PYROXD1: variants seen among roughly 807,000 people sequenced by gnomAD.
PYROXD1 encodes the protein tRNA ligase complex-associated NAD(P)H dehydrogenase PYROXD1.
A neutral mutation model predicts 62.0 loss-of-function variants in PYROXD1; 42 were observed. The observed-to-expected ratio is 0.68, with a 90% confidence interval of 0.53 to 0.88. The LOEUF is 0.88. PYROXD1 is among the 40% of genes least tolerant of loss of function. The pLI, the probability that PYROXD1 is intolerant of heterozygous loss-of-function variation, is 0.00. For synonymous variants in PYROXD1, 170 were observed against 206.4 expected (o/e 0.82, Z 1.51); for missense variants, 493 against 604.8 (o/e 0.82, Z 1.94).
At position 21,467,469 on chromosome 12, in the gene PYROXD1, T is replaced by C. The variant is rs951732930; in HGVS notation, c.1117-12T>C. 8.9e-6 allele frequency: 14 copies of C among 1,580,548 alleles called. No homozygotes were observed. The highest frequency in any genetic ancestry group is 1.1e-5 in the Non-Finnish European group (13 of 1,167,602). ...AAAAATGACATTGTGTAACATTTTTTCATCATTTCAGATGAGGCTGTGGAC... is the reference window on the plus strand; with the variant it reads ...AAAAATGACATTGTGTAACATTTTTCCATCATTTCAGATGAGGCTGTGGAC... On this transcript the variant is annotated splice_polypyrimidine_tract_variant and intron_variant, in intron 10 of 11. Coordinates refer to ENST00000240651, the MANE Select transcript of PYROXD1 (RefSeq NM_024854.5).
Position 21,470,578 on chromosome 12 carries a change from T to C in PYROXD1, c.*1824T>C, listed in dbSNP as rs1388231706. 3 of 481,978 alleles carry C rather than the reference T, an allele frequency of 6.2e-6. No individual in the cohort carries two copies. The highest frequency in any genetic ancestry group is 1.0e-5 in the Non-Finnish European group (3 of 294,890). 29.9% of individuals were successfully genotyped at this position (481,978 alleles called of 1,614,324 possible). ...AGACCTCAAATGTCCTTAGACACAA[T>C]GGCACTTGACTTGACATGCTTTTGC... On this transcript the variant is annotated 3_prime_UTR_variant, in exon 12 of 12. Coordinates refer to ENST00000240651, the MANE Select transcript of PYROXD1 (RefSeq NM_024854.5).
rs3759228 is a variant in PYROXD1 at position 21,445,370 on chromosome 12, C to A, written c.189C>A (p.Phe63Leu). The A allele has an allele frequency of 6.3e-7, 1 of 1,599,658 alleles. No individual in the cohort carries two copies. Among genetic ancestry groups the A allele is most frequent in the Non-Finnish European group, 8.5e-7 (1 of 1,175,698 alleles). The change falls in exon 3 of 12, where the codon TTC becomes TTA. Residue 63 changes from phenylalanine (F) to leucine (L), a missense_variant. By Grantham distance (22) the Phe-to-Leu change is conservative (BLOSUM62 0). Coordinates refer to ENST00000240651, the MANE Select transcript of PYROXD1 (RefSeq NM_024854.5). ...AGATTTCTAAAATATTGGAAGAATT[C>A]GATGTTGAAGAACAATCAAGTACCA... The part of the protein sequence containing the change: ...FKQISKILEE[F>L]DVEEQSSTML...
chr12:21,465,645 T>C (rs572941331), intron 10 of PYROXD1, among the ~76,000 whole-genome samples: 90 of 152,088 alleles, frequency 5.9e-4, no homozygotes, highest in African/African-American at 2.0e-3. Flanking sequence ...TGGTTTCTTT[T>C]ACTGTGCAGA....
Position 21,469,686 on chromosome 12 carries a change from A to ATTT in PYROXD1, c.*940_*942dup, listed in dbSNP as rs201322313. ...CTTAAAACATGAGATTTTTCTTGCAATTTTTTTTTTAAGCTCATCAGCTAT... is the reference window on the plus strand; with the variant it reads ...CTTAAAACATGAGATTTTTCTTGCAATTTTTTTTTTTTTAAGCTCATCAGCTAT... On this transcript the variant is annotated 3_prime_UTR_variant, in exon 12 of 12. Coordinates refer to ENST00000240651, the MANE Select transcript of PYROXD1 (RefSeq NM_024854.5). The ATTT allele has an allele frequency of 1.4e-5, 2 of 139,268 alleles. No individual in the cohort carries two copies. The highest frequency in any genetic ancestry group is 5.3e-5 in the African/African-American group (2 of 37,524). The allele number at this position is 139,268 out of a possible 1,614,324, so 8.6% of individuals were successfully genotyped here.
At position 21,440,451 on chromosome 12, in the gene PYROXD1, A is replaced by G; in HGVS notation, c.165+3A>G. The G allele has an allele frequency of 1.9e-6, 3 of 1,554,130 alleles. No individual in the cohort carries two copies. Among genetic ancestry groups the G allele is most frequent in the Non-Finnish European group, 1.8e-6 (2 of 1,135,272 alleles). On this transcript the variant is annotated splice_donor_region_variant and intron_variant, in intron 2 of 11. Coordinates refer to ENST00000240651, the MANE Select transcript of PYROXD1 (RefSeq NM_024854.5). ...AAGCAGTTACAAATTTCAAGCAGGT[A>G]AGAACCTTTGTATAACTTGTTAATA... is the stretch of plus-strand genomic sequence containing the variant.
chr12:21,466,332 T>C (rs1942793064), intron 10 of PYROXD1, among the ~76,000 whole-genome samples: 2 of 151,172 alleles, frequency 1.3e-5, no homozygotes, highest in South Asian at 4.2e-4. Context: ...TTGTATCCTC[T>C]TTTATTTCAT....
At chr12:21,467,434 AATG>A (rs1942818316) in intron 10 of PYROXD1, 44 bp from the exon 11 acceptor site, 6 of 1,542,810 alleles carry the variant, frequency 3.9e-6, no homozygotes, top group Non-Finnish European at 5.3e-6. Context: ...TTTTTCAGAT[AATG>A]ATCATGAAAA....
intron 7 of PYROXD1, among the ~76,000 whole-genome samples, chr12:21,457,496 G>A (rs1170533796): frequency 1.3e-5 from 2 of 150,208 alleles, no homozygotes; most frequent in Admixed American, 1.3e-4. Flanking sequence ...AGTAAACTAT[G>A]TAAACAGATG....
chr12:21,468,368 C>T, intron 11 of PYROXD1, 138 bp from the exon 12 acceptor site: 2 of 717,582 alleles, frequency 2.8e-6, no homozygotes, highest in East Asian at 2.7e-5. Flanking sequence ...TTCTTTGGGA[C>T]TCTCCCCAAT....
Position 21,469,341 on chromosome 12 carries a change from TA to T in PYROXD1, c.*590del. 6.6e-6 allele frequency: 1 copy of T among 152,274 alleles called. No homozygotes were observed. Among genetic ancestry groups the T allele is most frequent in the South Asian group, 2.1e-4 (1 of 4,828 alleles). The allele number at this position is 152,274 out of a possible 1,614,324, so 9.4% of individuals were successfully genotyped here. ...TTGAATGCAGCCCAACACAAATCTG[TA>T]AACTTTCTTAAAACATGAGATTTTT... On this transcript the variant is annotated 3_prime_UTR_variant, in exon 12 of 12. Transcript: ENST00000240651.
At chr12:21,438,912 G>A (rs955809658) in intron 1 of PYROXD1, among the ~76,000 whole-genome samples, 1 of 152,122 alleles carries the variant, frequency 6.6e-6, no homozygotes, top group South Asian at 2.1e-4. Flanking sequence ...ACAGCCTGCT[G>A]GAAGAGACAA....
chr12:21,452,554 ACT>A (rs1328673912), intron 5 of PYROXD1, among the ~76,000 whole-genome samples: 1 of 151,976 alleles, frequency 6.6e-6, no homozygotes, highest in East Asian at 1.9e-4. Context: ...ATCCTGCTAC[ACT>A]CATTTATGTT....
intron 3 of PYROXD1, chr12:21,448,206 T>C: frequency 1.3e-5 from 8 of 597,138 alleles, no homozygotes; most frequent in Non-Finnish European, 2.6e-5. Flanking sequence ...ACCATAGGTT[T>C]TCTCTTCCCC....
At chr12:21,450,235 G>T (rs191532827) in intron 4 of PYROXD1, among the ~76,000 whole-genome samples, 1 of 152,024 alleles carries the variant, frequency 6.6e-6, no homozygotes, top group East Asian at 1.9e-4. Context: ...TGTTATCAGC[G>T]TGAGATAACC....
intron 5 of PYROXD1, among the ~76,000 whole-genome samples, chr12:21,454,284 T>C (rs1942555522): frequency 6.6e-6 from 1 of 152,014 alleles, no homozygotes; most frequent in Non-Finnish European, 1.5e-5. Flanking sequence ...ATTTTATTAG[T>C]ATCGCAAGTT....
chr12:21,441,666 T>C (rs1942298011), intron 2 of PYROXD1, among the ~76,000 whole-genome samples: 1 of 152,226 alleles, frequency 6.6e-6, no homozygotes, highest in Non-Finnish European at 1.5e-5. Context: ...TGGTTGCTTA[T>C]TGTTTTTCTG....
intron 10 of PYROXD1, among the ~76,000 whole-genome samples, chr12:21,464,354 G>T (rs1352656029): frequency 6.6e-6 from 1 of 151,426 alleles, no homozygotes; most frequent in Non-Finnish European, 1.5e-5. Context: ...TTCTCTAGTT[G>T]TTACTGTGCT....
rs1390359454 is a variant in PYROXD1, at chr12:21,449,682, C to G, written c.405C>G (p.Asp135Glu). The G allele has an allele frequency of 6.2e-7, 1 of 1,609,926 alleles. No individual in the cohort carries two copies. The highest frequency in any genetic ancestry group is 1.7e-5 in the Admixed American group (1 of 59,292). Residue 135 changes from aspartate (D) to glutamate (E), a missense_variant, in exon 4 of 12, where the codon GAC becomes GAG. Transcript: ENST00000240651. ...NPYVLGIRDT[D>E]SAQEFQKQLT... ...ATGTATTAGGAATCCGTGATACAGA[C>G]AGTGCTCAGGTAACATTTTAAGGTT...
At chr12:21,466,973 C>A (rs1373000072) in intron 10 of PYROXD1, among the ~76,000 whole-genome samples, 7 of 152,012 alleles carry the variant, frequency 4.6e-5, no homozygotes, top group African/African-American at 1.7e-4. Flanking sequence ...TCATGCAAAA[C>A]AATTTAAATG....
Sources: allele counts gnomAD v4.1 joint callset (sites outside exome capture counted in the v4.1 genomes callset), GRCh38; gene constraint gnomAD v4.1.1; transcripts MANE v1.5; gene names NCBI Gene and HGNC (gene_info 2026-07-23, HGNC 2026-07-21).